CCDC88A: variants seen among roughly 807,000 people sequenced by gnomAD.
CCDC88A encodes girdin.
Under a neutral mutation model 234.3 loss-of-function variants are expected in CCDC88A, and 54 were observed. The ratio of observed to expected loss-of-function variants is 0.23; its 90% CI spans 0.19 to 0.29. CCDC88A has a LOEUF of 0.29. CCDC88A is among the 10% of genes least tolerant of loss of function. The probability of loss-of-function intolerance (pLI) is 1.00; values close to 1 mark genes in which losing one functional copy is unlikely to be tolerated. For synonymous variants in CCDC88A, 753 were observed against 737.8 expected, an observed-to-expected ratio of 1.02 and a Z score of -0.33; for missense variants, 1,832 against 2,123.4, an observed-to-expected ratio of 0.86 and a Z score of 2.70.
chr2:55,354,394 G>C (rs1454953362), intron 8 of CCDC88A, among the ~76,000 whole-genome samples: 1 of 151,836 alleles, frequency 6.6e-6, no homozygotes, highest in Non-Finnish European at 1.5e-5. Context: ...GCCTCCCAAA[G>C]TGTTGGGATT....
intron 18 of CCDC88A, among the ~76,000 whole-genome samples, chr2:55,322,011 G>A (rs1683700392): frequency 6.6e-6 from 1 of 150,990 alleles, no homozygotes; most frequent in Non-Finnish European, 1.5e-5. Flanking sequence ...GTAAGTATTT[G>A]TTGTTCAGTT....
chr2:55,327,393 T>C (rs545464106), intron 17 of CCDC88A, among the ~76,000 whole-genome samples: 1 of 152,194 alleles, frequency 6.6e-6, no homozygotes, highest in South Asian at 2.1e-4. Context: ...ACCTTTGGAG[T>C]TGCTGCAAGA....
intron 3 of CCDC88A, chr2:55,388,512 A>G (rs1676083502): frequency 1.0e-5 from 2 of 195,152 alleles, no homozygotes; most frequent in South Asian, 3.2e-4. Flanking sequence ...AAAATGTTAC[A>G]CTATGCAAGT....
intron 23 of CCDC88A, among the ~76,000 whole-genome samples, chr2:55,312,165 T>C (rs1235866870): frequency 6.6e-6 from 1 of 152,222 alleles, no homozygotes; most frequent in East Asian, 1.9e-4. Flanking sequence ...TATATTTCTA[T>C]GGCCTCCTAC....
In CCDC88A at chr2:55,309,538, A is replaced by AT. The variant is rs1249848919; in HGVS notation, c.4080-285dup. Among the ~76,000 whole-genome samples the AT allele has an allele frequency of 6.6e-6, 1 of 152,156 alleles. No individual in the cohort carries two copies. The highest frequency in any genetic ancestry group is 1.9e-4 in the East Asian group (1 of 5,196). On this transcript the variant is annotated intron_variant, in intron 23 of 32. Coordinates refer to ENST00000436346, the MANE Select transcript of CCDC88A (RefSeq NM_001365480.1). This position sits in a 1 kb window ranked among gnomAD's most constrained non-coding sequence, Gnocchi z 5.1. ...TTGTTTAGTTTGCTTACAATTATAG[A>AT]TATAATAAATAATCCTGCAAACACA... is the stretch of plus-strand genomic sequence containing the variant.
Position 55,301,258 on chromosome 2 carries a change from G to T in CCDC88A, c.4692C>A (p.Asp1564Glu). The T allele has an allele frequency of 6.3e-7, 1 of 1,586,048 alleles. No individual in the cohort carries two copies. The highest frequency in any genetic ancestry group is 8.6e-7 in the Non-Finnish European group (1 of 1,160,782). The change falls in exon 28 of 33, where the codon GAC becomes GAA. Residue 1564 changes from aspartate (D) to glutamate (E), a missense_variant. Physicochemically the swap from Asp to Glu is conservative, Grantham distance 45. Coordinates refer to ENST00000436346, the MANE Select transcript of CCDC88A (RefSeq NM_001365480.1). ...CATCACTAACACCTTGTGGACTTAT[G>T]TCTTCAAAGGATGTAGTATCTACAT... ...VNNKDTTSFE[D>E]ISPQGVSDDS... is the part of the protein sequence containing the mutation.
At chr2:55,375,551 G>GGA (rs1319593064) in intron 3 of CCDC88A, among the ~76,000 whole-genome samples, 2 of 136,240 alleles carry the variant, frequency 1.5e-5, no homozygotes, top group Non-Finnish European at 3.1e-5. Flanking sequence ...TTTTTGAGAT[G>GGA]GAGTCTCGCT....
At chr2:55,409,251 C>T (rs904755255) in intron 2 of CCDC88A, among the ~76,000 whole-genome samples, 2 of 152,176 alleles carry the variant, frequency 1.3e-5, no homozygotes, top group Non-Finnish European at 2.9e-5. Flanking sequence ...ATCTTCATGC[C>T]TCTTTTTCAT....
intron 13 of CCDC88A, 135 bp from the exon 14 acceptor site, chr2:55,336,953 T>A: frequency 1.8e-6 from 1 of 555,000 alleles, no homozygotes; most frequent in Non-Finnish European, 3.0e-6. Flanking sequence ...GAAATTAGTA[T>A]AGAAATTCAA....
intron 25 of CCDC88A, among the ~76,000 whole-genome samples, chr2:55,307,653 C>T (rs1208656304): frequency 1.3e-5 from 2 of 151,858 alleles, no homozygotes; most frequent in East Asian, 3.9e-4. Flanking sequence ...CGTTCCCGGC[C>T]TAATTTTTTT....
Position 55,296,452 on chromosome 2 carries a change from C to T in CCDC88A, c.4897G>A (p.Glu1633Lys), listed in dbSNP as rs1163415062. ...SGEFSLLHDH[E>K]AWSSSGSSPI... is the part of the protein sequence containing the mutation. ...CTGCTACCACTGCTGGACCAAGCCTCATGGTCATGAAGCAGGCTAAATTCT... is the reference window on the plus strand; with the variant it reads ...CTGCTACCACTGCTGGACCAAGCCTTATGGTCATGAAGCAGGCTAAATTCT... The change falls in exon 30 of 33, where the codon GAG becomes AAG. Residue 1633 changes from glutamate to lysine, a missense_variant. Around this residue, in one of 6 missense-constraint regions of CCDC88A, gnomAD observed 422 missense variants for 416.5 expected, o/e 1.01. Coordinates refer to ENST00000436346, the MANE Select transcript of CCDC88A (RefSeq NM_001365480.1). 3 of 1,614,190 alleles carry T rather than the reference C, an allele frequency of 1.9e-6. No homozygotes were observed. The highest frequency in any genetic ancestry group is 2.5e-6 in the Non-Finnish European group (3 of 1,180,024).
At chr2:55,354,688 C>G (rs1227679630) in intron 8 of CCDC88A, among the ~76,000 whole-genome samples, 1 of 151,540 alleles carries the variant, frequency 6.6e-6, no homozygotes, top group East Asian at 2.0e-4. Flanking sequence ...CTCAGCCTCC[C>G]GAGTAGCTGG....
chr2:55,355,797 A>C, intron 7 of CCDC88A, 46 bp from the exon 8 acceptor site: 1 of 1,459,076 alleles, frequency 6.9e-7, no homozygotes, highest in Non-Finnish European at 9.6e-7. Flanking sequence ...CATATTAGCA[A>C]ACTAAACACA....
At chr2:55,330,405 G>A (rs185364847) in intron 16 of CCDC88A, among the ~76,000 whole-genome samples, 85 of 152,130 alleles carry the variant, frequency 5.6e-4, no homozygotes, top group Non-Finnish European at 1.0e-3. Context: ...CCTCGGAGGC[G>A]GAGGTTGCAG....
chr2:55,381,448 G>A (rs1295415676), intron 3 of CCDC88A, among the ~76,000 whole-genome samples: 2 of 151,748 alleles, frequency 1.3e-5, no homozygotes, highest in African/African-American at 4.8e-5. Context: ...AGCTACTAGG[G>A]AGGCTGAGGT....
chr2:55,366,770 T>C (rs1360850178), intron 5 of CCDC88A, among the ~76,000 whole-genome samples: 1 of 151,968 alleles, frequency 6.6e-6, no homozygotes, highest in Non-Finnish European at 1.5e-5. Context: ...AGAAGACAGG[T>C]TTATATGGAA....
intron 2 of CCDC88A, among the ~76,000 whole-genome samples, chr2:55,412,873 A>G (rs1441251973): frequency 1.3e-5 from 2 of 152,184 alleles, no homozygotes; most frequent in African/African-American, 4.8e-5. Context: ...AAGATCATAC[A>G]GCTATATAGA....
At chr2:55,293,129 A>AT (rs1374393662) in intron 31 of CCDC88A, among the ~76,000 whole-genome samples, 1 of 151,888 alleles carries the variant, frequency 6.6e-6, no homozygotes, top group Admixed American at 6.6e-5. Flanking sequence ...ATAGCATGTG[A>AT]TTTTTCAATG....
rs553608754 is a variant in CCDC88A, at chr2:55,288,292, A to C, written c.*2908T>G. 8 of 152,792 alleles carry C rather than the reference A, an allele frequency of 5.2e-5. No individual in the cohort carries two copies. In the East Asian group the frequency reaches 5.8e-4, roughly 11 times the overall value. The allele number at this position is 152,792 out of a possible 1,614,324, so 9.5% of individuals were successfully genotyped here. The stretch of plus-strand genomic sequence containing the variant: ...CATGTACATCAAGGTTTATATTATA[A>C]AATGGGCTCCTTTTGTATTCATTCA... On this transcript the variant is annotated 3_prime_UTR_variant, in exon 33 of 33. Coordinates refer to ENST00000436346, the MANE Select transcript of CCDC88A (RefSeq NM_001365480.1).
Sources: gnomAD v4.1 joint callset for allele counts (sites outside exome capture counted in the v4.1 genomes callset) on GRCh38, gnomAD v4.1.1 for gene constraint, gnomAD v4.1.1 regional missense constraint, Gnocchi (gnomAD v3.1) non-coding constraint, MANE v1.5 for transcripts, NCBI Gene and HGNC (gene_info 2026-07-23, HGNC 2026-07-21) for gene names.